CD109: variants seen among roughly 807,000 people sequenced by gnomAD.
The protein encoded by CD109 is CD109 antigen.
In CD109, 149 loss-of-function variants were observed where a neutral mutation model predicts 165.8. The observed-to-expected ratio is 0.90, with a 90% CI of 0.79 to 1.03. The LOEUF (loss-of-function observed/expected upper bound fraction) is 1.03, where lower values mean the gene tolerates loss of function less well. CD109 is among the 50% of genes least tolerant of loss of function. CD109 has a pLI of 0.00. For missense variants in CD109, 1,712 were observed against 1,677.8 expected, an observed-to-expected ratio of 1.02 and a Z score of -0.36; for synonymous variants, 585 against 592.1, an observed-to-expected ratio of 0.99 and a Z score of 0.18.
rs61381210 is a variant in CD109 at position 73,820,566 on chromosome 6, A to G, written c.4162+3A>G. ...CATAGTGGATTACTATGAGCCAAGTAAGTATGCTCTGGAGTTCTTAATACT... is the reference window on the plus strand; with the variant it reads ...CATAGTGGATTACTATGAGCCAAGTGAGTATGCTCTGGAGTTCTTAATACT... On this transcript the variant is annotated splice_donor_region_variant and intron_variant, in intron 32 of 32. Coordinates refer to ENST00000287097, the MANE Select transcript of CD109 (RefSeq NM_133493.5). 4.5e-3 allele frequency: 6,832 copies of G among 1,529,328 alleles called. 277 individuals carry two copies. The African/African-American group carries it at 0.082, about 18-fold the overall frequency. 94.7% of individuals were successfully genotyped at this position (1,529,328 alleles called of 1,614,324 possible).
At chr6:73,785,149 T>C (rs1774639755) in intron 19 of CD109, among the ~76,000 whole-genome samples, 2 of 152,234 alleles carry the variant, frequency 1.3e-5, no homozygotes, top group Non-Finnish European at 2.9e-5. Flanking sequence ...AGGCACTTAA[T>C]AAAGTATAGC....
intron 28 of CD109, among the ~76,000 whole-genome samples, chr6:73,811,471 A>C (rs3005482): frequency 0.42 from 63,074 of 151,894 alleles, 13,924 homozygotes; most frequent in Middle Eastern, 0.52. Context: ...TCTCAAAGTA[A>C]CTCTAAGAAG....
chr6:73,679,752 C>T, the CD109 span, among the ~76,000 whole-genome samples: 1 of 151,874 alleles, frequency 6.6e-6, no homozygotes, highest in Non-Finnish European at 1.5e-5. Context: ...TCTTGTGCCT[C>T]AGCCTTTGAG....
chr6:73,771,312 T>C, intron 14 of CD109, 117 bp from the exon 15 acceptor site: 1 of 757,200 alleles, frequency 1.3e-6, no homozygotes, highest in South Asian at 1.8e-5. Flanking sequence ...TTTAGAATTA[T>C]CCCTGAGCCA....
In CD109 at chr6:73,781,368, C is replaced by A. The variant is rs771554427; in HGVS notation, c.1963+49C>A. The A allele has an allele frequency of 2.8e-6, 4 of 1,419,690 alleles. No homozygotes were observed. The African/African-American group carries it at 4.2e-5, about 15-fold the overall frequency. The allele number at this position is 1,419,690 out of a possible 1,614,324, so 87.9% of individuals were successfully genotyped here. A position where few individuals can be genotyped will look rare whatever the true frequency, so the allele number is the denominator to read the frequency against. ...TTGTATTTGTCTTTCACATGATATT[C>A]AACATTACTTATATAGGTATGGATA... On this transcript the variant is annotated intron_variant, in intron 17 of 32. Coordinates refer to ENST00000287097, the MANE Select transcript of CD109 (RefSeq NM_133493.5).
At chr6:73,697,678 T>C (rs1205547967) in intron 2 of CD109, 106 bp downstream of exon 2, 7 of 849,556 alleles carry the variant, frequency 8.2e-6, no homozygotes, top group Non-Finnish European at 1.3e-5. Flanking sequence ...ATTTGCAGTA[T>C]CTTACCTAAT....
rs1274067527 is a variant in CD109, at chr6:73,825,529, A to G, written c.*1896A>G. The G allele has an allele frequency of 1.3e-5, 2 of 152,238 alleles. No homozygotes were observed. The highest frequency in any genetic ancestry group is 2.9e-5 in the Non-Finnish European group (2 of 68,038). 9.4% of individuals were successfully genotyped at this position (152,238 alleles called of 1,614,324 possible). ...ATCAATACTTTATATTTTAAAGTATATAATTTATAGTTAACTTCTAGTGTA... is the reference window on the plus strand; with the variant it reads ...ATCAATACTTTATATTTTAAAGTATGTAATTTATAGTTAACTTCTAGTGTA... On this transcript the variant is annotated 3_prime_UTR_variant, in exon 33 of 33. Transcript: ENST00000287097.
At chr6:73,811,755 G>A (rs940592485) in intron 28 of CD109, among the ~76,000 whole-genome samples, 1 of 152,138 alleles carries the variant, frequency 6.6e-6, no homozygotes, top group Non-Finnish European at 1.5e-5. Flanking sequence ...ATGGATGAAG[G>A]TGATAACTTC....
At chr6:73,690,026 A>G in the CD109 span, among the ~76,000 whole-genome samples, 2 of 152,204 alleles carry the variant, frequency 1.3e-5, no homozygotes, top group Non-Finnish European at 2.9e-5. Flanking sequence ...ATGAATCATG[A>G]TATATTCTTT....
chr6:73,763,295 A>G (rs561298798), intron 9 of CD109, among the ~76,000 whole-genome samples: 12 of 152,300 alleles, frequency 7.9e-5, no homozygotes, highest in African/African-American at 2.9e-4. Context: ...ACTTTAGCCA[A>G]TCCCTGAAAG....
chr6:73,745,504 A>G lies in CD109; in HGVS notation c.633+8996A>G, dbSNP rs182943025. 7.3e-4 allele frequency among the ~76,000 whole-genome samples: 111 copies of G among 152,216 alleles called. 1 individual carries two copies. The Middle Eastern group carries it at 0.01, about 14-fold the overall frequency. On this transcript the variant is annotated intron_variant, in intron 5 of 32. Coordinates refer to ENST00000287097, the MANE Select transcript of CD109 (RefSeq NM_133493.5). ...TGGAGAAGATACCTACTTCTTTTAT[A>G]TGACTTGTGGATGCCACGGGATCAC...
At chr6:73,735,890 G>T (rs45463597) in intron 4 of CD109, among the ~76,000 whole-genome samples, 2 of 152,126 alleles carry the variant, frequency 1.3e-5, no homozygotes, top group African/African-American at 2.4e-5. Flanking sequence ...TAATAAATGG[G>T]GCCTGTTATC....
At chr6:73,698,988 A>G (rs1562017224) in intron 2 of CD109, among the ~76,000 whole-genome samples, 1 of 152,224 alleles carries the variant, frequency 6.6e-6, no homozygotes, top group African/African-American at 2.4e-5. Flanking sequence ...GCAATAAACA[A>G]CAATTGCTAA....
intron 29 of CD109, 135 bp from the exon 30 acceptor site, chr6:73,814,846 A>T (rs1301819435): frequency 1.5e-5 from 7 of 457,236 alleles, no homozygotes; most frequent in African/African-American, 4.1e-5. Flanking sequence ...AGTTAAATTA[A>T]TTTTTTTCTA....
Position 73,696,310 on chromosome 6 carries a change from G to A in CD109, c.74+21G>A, listed in dbSNP as rs899014869. 7 of 1,404,190 alleles carry A rather than the reference G, an allele frequency of 5.0e-6. No homozygotes were observed. The African/African-American group carries it at 7.5e-5, about 15-fold the overall frequency. 87.0% of individuals were successfully genotyped at this position (1,404,190 alleles called of 1,614,324 possible). ...CCCGGGTAGGAACGTGGGCGCGCGG[G>A]GGGCGCGCGGGCGCGCGGGCCTGGG... On this transcript the variant is annotated intron_variant, in intron 1 of 32. Transcript: ENST00000287097.
chr6:73,821,834 C>A (rs924797447), intron 32 of CD109, among the ~76,000 whole-genome samples: 66 of 152,046 alleles, frequency 4.3e-4, no homozygotes, highest in Non-Finnish European at 1.3e-4. Context: ...CATAATATAC[C>A]CTTGTAACAA....
chr6:73,785,408 C>T lies in CD109; in HGVS notation c.2268C>T (p.Tyr756=), dbSNP rs1454361782. ...QPFFIFLNLP[Y]SVIRGEEFAL... is the part of the protein sequence containing the mutation. ...TTTTCATTTTTTTGAATCTTCCCTACTCTGTTATCAGAGGTGAAGAATTTG... is the reference window on the plus strand; with the variant it reads ...TTTTCATTTTTTTGAATCTTCCCTATTCTGTTATCAGAGGTGAAGAATTTG... Residue 756 remains tyrosine, a synonymous_variant, in exon 20 of 33, where the codon TAC becomes TAT. Transcript: ENST00000287097. 1.1e-5 allele frequency: 17 copies of T among 1,609,484 alleles called. No individual in the cohort carries two copies. The highest frequency in any genetic ancestry group is 1.4e-5 in the Non-Finnish European group (17 of 1,177,846).
Position 73,818,371 on chromosome 6 carries a change from C to T in CD109, c.3912-17C>T, listed in dbSNP as rs1776006168. On this transcript the variant is annotated splice_polypyrimidine_tract_variant and intron_variant, in intron 30 of 32. Coordinates refer to ENST00000287097, the MANE Select transcript of CD109 (RefSeq NM_133493.5). ...TTTTCCTGAGGAGTTTTCATTCATC[C>T]TCCCTCTTTGATTTAGCTTTTCGGG... is the stretch of plus-strand genomic sequence containing the variant. 1 of 1,613,356 alleles carries T rather than the reference C, an allele frequency of 6.2e-7. No homozygotes were observed.
intron 20 of CD109, among the ~76,000 whole-genome samples, chr6:73,785,879 C>T (rs1217158258): frequency 2.0e-5 from 3 of 148,104 alleles, no homozygotes; most frequent in Non-Finnish European, 3.0e-5. Flanking sequence ...TGGTCTTGCT[C>T]TGTTGCCCAG....
Sources: gnomAD v4.1 joint callset for allele counts (sites outside exome capture counted in the v4.1 genomes callset) on GRCh38, gnomAD v4.1.1 for gene constraint, MANE v1.5 for transcripts, NCBI Gene and HGNC (gene_info 2026-07-23, HGNC 2026-07-21) for gene names.